KCNV2: variants seen among roughly 807,000 people sequenced by gnomAD.
The protein encoded by KCNV2 is potassium voltage-gated channel modifier subfamily V member 2.
Under a neutral mutation model 37.0 loss-of-function variants are expected in KCNV2, and 65 were observed. The observed-to-expected ratio is 1.76, with a 90% CI of 1.44 to 2.16. KCNV2 has a LOEUF of 2.16. Ranked by LOEUF, KCNV2 falls within the 30% of genes most tolerant of loss-of-function variation. The pLI, the probability that KCNV2 is intolerant of heterozygous loss-of-function variation, is 0.00. For synonymous variants in KCNV2, 518 were observed against 328.6 expected (o/e 1.58, Z -6.23); for missense variants, 1,232 against 766.7 (o/e 1.61, Z -7.17).
chr9:2,729,684 T>C lies in KCNV2; in HGVS notation c.1595T>C (p.Leu532Ser), dbSNP rs1164901604. ...GCCAGAAAGAAGATAGCTGAGTGTT[T>C]GCTTGGAAGCAACCCACAGCTCACC... ...QRARKKIAEC[L>S]LGSNPQLTPR... Residue 532 changes from leucine (L) to serine (S), a missense_variant, in exon 2 of 2, where the codon TTG (leucine) becomes TCG (serine). Transcript: ENST00000382082. 6.2e-7 allele frequency: 1 copy of C among 1,614,038 alleles called. No homozygotes were observed. The highest frequency in any genetic ancestry group is 1.3e-5 in the African/African-American group (1 of 74,928).
chr9:2,718,533 C>T lies in KCNV2; in HGVS notation c.794C>T (p.Ala265Val), dbSNP rs1200000834. 1.9e-6 allele frequency: 3 copies of T among 1,611,242 alleles called. No individual in the cohort carries two copies. Among genetic ancestry groups the T allele is most frequent in the African/African-American group, 2.7e-5 (2 of 74,926 alleles). ...GTGGCCGCCAAGGCCATCGGGGTGG[C>T]CTCCAGCACCTTCGTGCTCGTCTCC... The part of the protein sequence containing the change: ...SSVAAKAIGV[A>V]SSTFVLVSVV... Residue 265 changes from alanine to valine, a missense_variant, in exon 1 of 2, where the codon GCC becomes GTC. Transcript: ENST00000382082.
At position 2,717,647 on chromosome 9, in the gene KCNV2, G is replaced by A. The variant is rs1330711783; in HGVS notation, c.-93G>A. On this transcript the variant is annotated 5_prime_UTR_variant, in exon 1 of 2. Transcript: ENST00000382082. Reference sequence around the variant, plus strand: ...GGGCTGGCCTCTCTAAGACAGTGCAGGCCACGTGATCCATCCTCCTAGAGG... The same window carrying A: ...GGGCTGGCCTCTCTAAGACAGTGCAAGCCACGTGATCCATCCTCCTAGAGG... 2 of 1,538,630 alleles carry A rather than the reference G, an allele frequency of 1.3e-6. No individual in the cohort carries two copies. Among genetic ancestry groups the A allele is most frequent in the African/African-American group, 2.7e-5 (2 of 73,516 alleles).
chr9:2,718,110 G>A lies in KCNV2; in HGVS notation c.371G>A (p.Gly124Asp). The A allele has an allele frequency of 6.2e-7, 1 of 1,600,702 alleles. No individual in the cohort carries two copies. Among genetic ancestry groups the A allele is most frequent in the Non-Finnish European group, 8.5e-7 (1 of 1,173,930 alleles). ...ELAGFPKTRLGRLATSTSRSR... is the reference protein window; with the variant it reads ...ELAGFPKTRLDRLATSTSRSR... ...GCCGGCTTCCCCAAGACGCGCCTAG[G>A]TCGCCTGGCCACCTCCACCAGCCGC... is the stretch of plus-strand genomic sequence containing the variant. Residue 124 changes from glycine to aspartate, a missense_variant, in exon 1 of 2, where the codon GGT (glycine) becomes GAT (aspartate). Transcript: ENST00000382082.
chr9:2,718,288 G>C lies in KCNV2; in HGVS notation c.549G>C (p.Glu183Asp), dbSNP rs1363233940. Residue 183 changes from glutamate (E) to aspartate (D), a missense_variant, in exon 1 of 2, where the codon GAG (glutamate) becomes GAC (aspartate). Transcript: ENST00000382082. ...LDGLCPRRFLEELGYWGVRLK... is the reference protein window; with the variant it reads ...LDGLCPRRFLDELGYWGVRLK... ...GGCTGTGTCCGCGCCGCTTCCTGGA[G>C]GAGCTGGGCTACTGGGGCGTGCGGC... The C allele has an allele frequency of 6.2e-7, 1 of 1,611,284 alleles. No individual in the cohort carries two copies. The highest frequency in any genetic ancestry group is 1.1e-5 in the South Asian group (1 of 90,900).
intron 1 of KCNV2, among the ~76,000 whole-genome samples, chr9:2,727,398 C>T (rs1431217107): frequency 3.9e-5 from 6 of 152,130 alleles, no homozygotes; most frequent in East Asian, 1.9e-4. Context: ...CTAACCTGCA[C>T]GTTGTGCACA....
In KCNV2 at chr9:2,718,231, C is replaced by G; in HGVS notation, c.492C>G (p.Phe164Leu). 3.1e-6 allele frequency: 5 copies of G among 1,613,542 alleles called. No individual in the cohort carries two copies. Among genetic ancestry groups the G allele is most frequent in the Non-Finnish European group, 4.2e-6 (5 of 1,179,956 alleles). The change falls in exon 1 of 2, where the codon TTC (phenylalanine) becomes TTG (leucine). Residue 164 changes from phenylalanine (F) to leucine (L), a missense_variant. Physicochemically the swap from Phe to Leu is conservative, Grantham distance 22 (BLOSUM62 0). Coordinates refer to ENST00000382082, the MANE Select transcript of KCNV2 (RefSeq NM_133497.4). The stretch of plus-strand genomic sequence containing the variant: ...CCGTCTTCCAGCTGGTCTACAATTT[C>G]TACCTGTCCGGGGTGCTGCTGGTGC... ...DPAVFQLVYN[F>L]YLSGVLLVLD...
intron 1 of KCNV2, among the ~76,000 whole-genome samples, chr9:2,727,427 T>TAAAAAA (rs113866059): frequency 4.0e-5 from 6 of 151,734 alleles, no homozygotes; most frequent in African/African-American, 1.5e-4. Context: ...AGAACTTAAA[T>TAAAAAA]AAAAAAAAGA....
intron 1 of KCNV2, among the ~76,000 whole-genome samples, chr9:2,725,642 T>C (rs1278325544): frequency 6.6e-6 from 1 of 152,224 alleles, no homozygotes; most frequent in Non-Finnish European, 1.5e-5. Context: ...TTGAGGCTTA[T>C]AATAATTTTA....
chr9:2,727,324 C>T (rs1289511013), intron 1 of KCNV2, among the ~76,000 whole-genome samples: 2 of 151,852 alleles, frequency 1.3e-5, no homozygotes, highest in Non-Finnish European at 2.9e-5. Context: ...TGGAGATATA[C>T]CTAACGTTAA....
intron 1 of KCNV2, among the ~76,000 whole-genome samples, chr9:2,721,008 C>G (rs1017480127): frequency 1.3e-5 from 2 of 152,154 alleles, no homozygotes; most frequent in African/African-American, 4.8e-5. Context: ...TTTATGTTAA[C>G]TGGCACTATG....
At chr9:2,719,466 A>T (rs1239954394) in intron 1 of KCNV2, among the ~76,000 whole-genome samples, 1 of 151,866 alleles carries the variant, frequency 6.6e-6, no homozygotes, top group Non-Finnish European at 1.5e-5. Flanking sequence ...GATGGTTATG[A>T]CCACCATTTT....
intron 1 of KCNV2, among the ~76,000 whole-genome samples, chr9:2,721,985 T>C (rs1283466385): frequency 6.6e-6 from 1 of 150,934 alleles, no homozygotes; most frequent in African/African-American, 2.4e-5. Flanking sequence ...TTTTAAAAAT[T>C]TGGGGCACAT....
In KCNV2 at chr9:2,718,333, C is replaced by T. The variant is rs1049754393; in HGVS notation, c.594C>T (p.Cys198=). 21 of 1,603,480 alleles carry T rather than the reference C, an allele frequency of 1.3e-5. No homozygotes were observed. Among genetic ancestry groups the T allele is most frequent in the East Asian group, 6.7e-5 (3 of 44,588 alleles). The change falls in exon 1 of 2, where the codon TGC becomes TGT. Residue 198 remains cysteine (C), a synonymous_variant. Transcript: ENST00000382082. ...TGCGGCTCAAGTACACGCCACGCTG[C>T]TGCCGCATCTGCTTCGAGGAGCGGC... ...WGVRLKYTPR[C]CRICFEERRD...
intron 1 of KCNV2, among the ~76,000 whole-genome samples, chr9:2,727,422 TTAAA>T (rs561355427): frequency 7.4e-4 from 112 of 151,922 alleles, no homozygotes; most frequent in Non-Finnish European, 1.1e-3. Flanking sequence ...ACCCTAGAAC[TTAAA>T]TAAAAAAAAG....
At chr9:2,727,030 G>C (rs112035017) in intron 1 of KCNV2, among the ~76,000 whole-genome samples, 1,907 of 152,176 alleles carry the variant, frequency 0.013, 37 homozygotes, top group African/African-American at 0.044. Context: ...AGAGGTTGGG[G>C]ACCGCTGTTC....
At chr9:2,720,324 T>G (rs776940433) in intron 1 of KCNV2, 7 of 152,184 alleles carry the variant, frequency 4.6e-5, no homozygotes, top group Non-Finnish European at 7.3e-5. Context: ...AATCCCTCAC[T>G]TCCAGTCCTG....
chr9:2,717,618 G>A lies in KCNV2; in HGVS notation c.-122G>A. 2 of 1,280,786 alleles carry A rather than the reference G, an allele frequency of 1.6e-6. No homozygotes were observed. Among genetic ancestry groups the A allele is most frequent in the Non-Finnish European group, 2.2e-6 (2 of 894,224 alleles). 79.3% of individuals were successfully genotyped at this position (1,280,786 alleles called of 1,614,324 possible). The stretch of plus-strand genomic sequence containing the variant: ...AATGTCTGAGCCCCTAGCTGTGCTG[G>A]TCCGGGCTGGCCTCTCTAAGACAGT... On this transcript the variant is annotated 5_prime_UTR_variant, in exon 1 of 2. Coordinates refer to ENST00000382082, the MANE Select transcript of KCNV2 (RefSeq NM_133497.4).
chr9:2,718,140 G>T lies in KCNV2; in HGVS notation c.401G>T (p.Arg134Leu). The T allele has an allele frequency of 6.2e-7, 1 of 1,609,702 alleles. No homozygotes were observed. Among genetic ancestry groups the T allele is most frequent in the Non-Finnish European group, 8.5e-7 (1 of 1,178,138 alleles). Residue 134 changes from arginine (R) to leucine (L), a missense_variant, in exon 1 of 2, where the codon CGC (arginine) becomes CTC (leucine). Physicochemically the swap from Arg to Leu is moderately radical, Grantham distance 102. Coordinates refer to ENST00000382082, the MANE Select transcript of KCNV2 (RefSeq NM_133497.4). ...CTGGCCACCTCCACCAGCCGCAGCCGCCAGCTAAGCCTGTGCGACGACTAC... is the reference window on the plus strand; with the variant it reads ...CTGGCCACCTCCACCAGCCGCAGCCTCCAGCTAAGCCTGTGCGACGACTAC... Reference protein sequence around the residue: ...GRLATSTSRSRQLSLCDDYEE... With the variant: ...GRLATSTSRSLQLSLCDDYEE...
rs765877654 is a variant in KCNV2, at chr9:2,718,106, C to G, written c.367C>G (p.Leu123Val). 3 of 1,600,402 alleles carry G rather than the reference C, an allele frequency of 1.9e-6. No individual in the cohort carries two copies. The highest frequency in any genetic ancestry group is 2.6e-6 in the Non-Finnish European group (3 of 1,173,682). ...CELAGFPKTR[L>V]GRLATSTSRS... ...GCTGGCCGGCTTCCCCAAGACGCGCCTAGGTCGCCTGGCCACCTCCACCAG... is the reference window on the plus strand; with the variant it reads ...GCTGGCCGGCTTCCCCAAGACGCGCGTAGGTCGCCTGGCCACCTCCACCAG... Residue 123 changes from leucine to valine, a missense_variant, in exon 1 of 2, where the codon CTA (leucine) becomes GTA (valine). Coordinates refer to ENST00000382082, the MANE Select transcript of KCNV2 (RefSeq NM_133497.4).
Sources: gnomAD v4.1 joint callset for allele counts (sites outside exome capture counted in the v4.1 genomes callset) on GRCh38, gnomAD v4.1.1 for gene constraint, MANE v1.5 for transcripts, NCBI Gene and HGNC (gene_info 2026-07-23, HGNC 2026-07-21) for gene names.